The following TTC3 variants were observed in gnomAD, a reference collection of about 807,000 sequenced individuals.
TTC3 encodes the protein E3 ubiquitin-protein ligase TTC3.
TTC3 carries 180 observed loss-of-function variants against 249.6 expected under a neutral mutation model. That is an observed-to-expected ratio of 0.72 (90% CI 0.64 to 0.82). TTC3 has a LOEUF of 0.82. Ranked by LOEUF, TTC3 falls within the 40% of genes least tolerant of loss-of-function variation. TTC3 has a pLI of 0.00. For synonymous variants in TTC3, 717 were observed against 805.0 expected (o/e 0.89, Z 1.85); for missense variants, 2,061 against 2,398.4 (o/e 0.86, Z 2.94).
At chr21:37,174,329 C>A (rs556488525) in intron 35 of TTC3, among the ~76,000 whole-genome samples, 1 of 152,170 alleles carries the variant, frequency 6.6e-6, no homozygotes, top group African/African-American at 2.4e-5. Context: ...AGATCACAGG[C>A]CTGATAAGTT....
At chr21:37,118,758 C>T (rs147152731) in intron 11 of TTC3, among the ~76,000 whole-genome samples, 42 of 152,252 alleles carry the variant, frequency 2.8e-4, no homozygotes, top group African/African-American at 1.0e-3. Flanking sequence ...TAGCTTCCCT[C>T]TCTGATTTTT....
intron 23 of TTC3, 88 bp downstream of exon 23, chr21:37,148,735 A>T: frequency 1.3e-6 from 1 of 788,368 alleles, no homozygotes; most frequent in Non-Finnish European, 1.9e-6. Flanking sequence ...AACATTCTGC[A>T]CATAATTAGA....
chr21:37,147,995 G>A (rs2079131812), intron 22 of TTC3, among the ~76,000 whole-genome samples: 1 of 152,176 alleles, frequency 6.6e-6, no homozygotes. Flanking sequence ...CAAAGTGTGG[G>A]ATTACAGGTA....
At chr21:37,190,951 G>A (rs1484980327) in intron 39 of TTC3, among the ~76,000 whole-genome samples, 1 of 152,090 alleles carries the variant, frequency 6.6e-6, no homozygotes, top group Non-Finnish European at 1.5e-5. Context: ...GTAATGATTA[G>A]GGTTTGATTG....
chr21:37,101,182 A>G (rs1009808361), intron 10 of TTC3: 2 of 152,218 alleles, frequency 1.3e-5, no homozygotes, highest in African/African-American at 4.8e-5. Flanking sequence ...TATTCATTTA[A>G]GTATTTACCC....
At chr21:37,104,357 A>G (rs2074838350) in intron 10 of TTC3, among the ~76,000 whole-genome samples, 1 of 152,218 alleles carries the variant, frequency 6.6e-6, no homozygotes, top group African/African-American at 2.4e-5. Context: ...TGGGAGGCCG[A>G]GGTGGGAGGA....
intron 1 of TTC3, chr21:37,086,518 A>G (rs1355783144): frequency 6.6e-6 from 1 of 152,178 alleles, no homozygotes; most frequent in Non-Finnish European, 1.5e-5. Flanking sequence ...TTTTTAAAAC[A>G]TGGCTTTTGA....
chr21:37,112,358 G>GATC (rs1302192493), intron 11 of TTC3, among the ~76,000 whole-genome samples: 1 of 152,084 alleles, frequency 6.6e-6, no homozygotes, highest in East Asian at 1.9e-4. Context: ...ACAAAGGGGG[G>GATC]ATCATCACTG....
At chr21:37,098,578 A>C (rs1369522872) in intron 10 of TTC3, 1 of 152,194 alleles carries the variant, frequency 6.6e-6, no homozygotes, top group East Asian at 1.9e-4. Context: ...GGTCAGCAGC[A>C]TTGTTCCTTT....
intron 33 of TTC3, 63 bp from the exon 34 acceptor site, chr21:37,167,492 G>T: frequency 7.7e-7 from 1 of 1,301,450 alleles, no homozygotes; most frequent in South Asian, 1.3e-5. Flanking sequence ...GTTACTACTT[G>T]ATGGGCTTAT....
chr21:37,152,858 C>G lies in TTC3; in HGVS notation c.2414-93C>G, dbSNP rs957078607. On this transcript the variant is annotated intron_variant, in intron 26 of 45. Transcript: ENST00000355666. ...GTAAAACAGTATAATCAATCTGAAT[C>G]ATATTTTATATTATGTAATTTTGTT... 2.9e-6 allele frequency: 3 copies of G among 1,032,520 alleles called. No individual in the cohort carries two copies. The Admixed American group carries it at 1.0e-4, about 35-fold the overall frequency. 64.0% of individuals were successfully genotyped at this position (1,032,520 alleles called of 1,614,324 possible).
exon 36 of TTC3, chr21:37,182,802 T>C: frequency 6.3e-7 from 1 of 1,595,290 alleles, no homozygotes. Context: ...GATTGGTTCC[T>C]TCAAGATTTG....
At chr21:37,147,731 A>AT (rs372841981) in intron 22 of TTC3, 128 bp downstream of exon 22, 70,606 of 842,080 alleles carry the variant, frequency 0.084, 189 homozygotes, top group Non-Finnish European at 0.091. Flanking sequence ...CTTTCCCAGG[A>AT]TTTTTTTTTT....
chr21:37,196,561 A>G (rs983214993), intron 42 of TTC3, among the ~76,000 whole-genome samples: 3 of 152,166 alleles, frequency 2.0e-5, no homozygotes, highest in Non-Finnish European at 2.9e-5. Context: ...TAATGTGCAT[A>G]TGTAAATTGA....
chr21:37,108,699 G>A (rs1033546927), intron 11 of TTC3, among the ~76,000 whole-genome samples: 7 of 152,126 alleles, frequency 4.6e-5, no homozygotes, highest in Non-Finnish European at 1.0e-4. Flanking sequence ...GGTCATCTCT[G>A]CGTATTCTGG....
At chr21:37,141,122 C>G (rs1260463689) in intron 20 of TTC3, among the ~76,000 whole-genome samples, 2 of 152,128 alleles carry the variant, frequency 1.3e-5, no homozygotes, top group Non-Finnish European at 1.5e-5. Flanking sequence ...CCTCTGAACT[C>G]TATTGTAGTT....
chr21:37,150,745 C>T, intron 24 of TTC3, 75 bp from the exon 25 acceptor site: 1 of 944,304 alleles, frequency 1.1e-6, no homozygotes, highest in East Asian at 2.4e-5. Context: ...TTCTGAAATA[C>T]TTGTTACTTG....
chr21:37,164,035 TG>T lies in TTC3; in HGVS notation c.3171-15del. ...ATCATCCACAAAATTGGGTGTTTTT[TG>T]TTGTTATTTACCAGCAATCGAAATT... On this transcript the variant is annotated splice_polypyrimidine_tract_variant and intron_variant, in intron 31 of 45. Transcript: ENST00000355666. 6.3e-7 allele frequency: 1 copy of T among 1,594,028 alleles called. No individual in the cohort carries two copies.
chr21:37,099,556 T>A (rs989041577), intron 10 of TTC3, among the ~76,000 whole-genome samples: 3 of 152,226 alleles, frequency 2.0e-5, no homozygotes, highest in African/African-American at 7.2e-5. Flanking sequence ...TAAACGTTTA[T>A]GAGGAAATGA....
Sources: allele counts gnomAD v4.1 joint callset (sites outside exome capture counted in the v4.1 genomes callset), GRCh38; gene constraint gnomAD v4.1.1; transcripts MANE v1.5; gene names NCBI Gene and HGNC (gene_info 2026-07-23, HGNC 2026-07-21).